SGIP1: variants seen among roughly 807,000 people sequenced by gnomAD.
SGIP1 encodes the protein SH3-containing GRB2-like protein 3-interacting protein 1.
In SGIP1, 38 loss-of-function variants were observed where a neutral mutation model predicts 107.5. That is an observed-to-expected ratio of 0.35 (90% CI 0.27 to 0.46). The LOEUF (loss-of-function observed/expected upper bound fraction) is 0.46. SGIP1 is among the 20% of genes least tolerant of loss of function. The probability of loss-of-function intolerance (pLI) is 1.00; values close to 1 mark genes in which losing one functional copy is unlikely to be tolerated. For missense variants in SGIP1, 929 were observed against 1,019.5 expected (o/e 0.91, Z 1.21); for synonymous variants, 365 against 366.1 (o/e 1.00, Z 0.03).
At chr1:66,659,005 G>C (rs1280446681) in intron 7 of SGIP1, among the ~76,000 whole-genome samples, 2 of 152,166 alleles carry the variant, frequency 1.3e-5, no homozygotes, top group Non-Finnish European at 1.5e-5. Flanking sequence ...AGCCAGGAGA[G>C]TGCAGCGAAG....
chr1:66,581,000 G>A (rs1050824550), intron 1 of SGIP1, among the ~76,000 whole-genome samples: 1 of 152,018 alleles, frequency 6.6e-6, no homozygotes, highest in African/African-American at 2.4e-5. Context: ...CTATAGAAAA[G>A]CCATCATATA....
intron 18 of SGIP1, among the ~76,000 whole-genome samples, chr1:66,718,870 T>A (rs994490712): frequency 6.6e-6 from 1 of 152,190 alleles, no homozygotes; most frequent in African/African-American, 2.4e-5. Context: ...ACTTGGCTGC[T>A]ATTCAAAATG....
chr1:66,674,538 T>G (rs916637778), intron 12 of SGIP1, among the ~76,000 whole-genome samples: 1 of 152,202 alleles, frequency 6.6e-6, no homozygotes, highest in Non-Finnish European at 1.5e-5. Context: ...ATTGGAAGCA[T>G]AGTGGGTAGA....
intron 7 of SGIP1, among the ~76,000 whole-genome samples, chr1:66,647,710 C>T (rs913879803): frequency 2.0e-5 from 3 of 152,094 alleles, no homozygotes; most frequent in African/African-American, 2.4e-5. Context: ...CTAGTGATAC[C>T]GTGCTGCTTG....
intron 18 of SGIP1, among the ~76,000 whole-genome samples, chr1:66,698,986 C>T (rs1557672679): frequency 6.6e-6 from 1 of 151,832 alleles, no homozygotes; most frequent in East Asian, 1.9e-4. Flanking sequence ...CTGTCATCTA[C>T]TCATATAGCC....
At position 66,748,553 on chromosome 1, in the gene SGIP1, C is replaced by G. The variant is rs866049183; in HGVS notation, c.*5458C>G. On this transcript the variant is annotated 3_prime_UTR_variant, in exon 25 of 25. Transcript: ENST00000371037. The stretch of plus-strand genomic sequence containing the variant: ...GACCATGGGTATAATAATTTATTCT[C>G]TAGGTTTAACTTCTAAAATTATTTT... 2.6e-5 allele frequency among the ~76,000 whole-genome samples: 4 copies of G among 151,928 alleles called. No homozygotes were observed. The highest frequency in any genetic ancestry group is 9.7e-5 in the African/African-American group (4 of 41,428).
At chr1:66,603,084 G>T (rs1241228949) in intron 1 of SGIP1, among the ~76,000 whole-genome samples, 2 of 152,196 alleles carry the variant, frequency 1.3e-5, no homozygotes, top group African/African-American at 4.8e-5. Flanking sequence ...AGTAGGTGAA[G>T]CCTAAATGAA....
chr1:66,668,221 C>T (rs896850726), intron 9 of SGIP1, among the ~76,000 whole-genome samples: 2 of 151,932 alleles, frequency 1.3e-5, no homozygotes, highest in Non-Finnish European at 2.9e-5. Context: ...TGACGGATCT[C>T]GCTCTGTTGC....
At position 66,729,405 on chromosome 1, in the gene SGIP1, C is replaced by T. The variant is rs142676348; in HGVS notation, c.1884C>T (p.Pro628=). Reference sequence around the variant, plus strand: ...GGTTAGAACACGTCCTGCCAAACCCCCAACTTCTCTGCTGGTAAATATGAT... The same window carrying T: ...GGTTAGAACACGTCCTGCCAAACCCTCAACTTCTCTGCTGGTAAATATGAT... The part of the protein sequence containing the change: ...FSRLEHVLPN[P]QLLCCDNTQN... The change falls in exon 20 of 25, where the codon CCC becomes CCT. Residue 628 remains proline, a synonymous_variant. Transcript: ENST00000371037. The T allele has an allele frequency of 3.4e-5, 55 of 1,613,994 alleles. No homozygotes were observed. Among genetic ancestry groups the T allele is most frequent in the Non-Finnish European group, 4.7e-5 (55 of 1,179,996 alleles).
intron 12 of SGIP1, 60 bp from the exon 13 acceptor site, chr1:66,676,944 G>A (rs528156453): frequency 1.4e-6 from 2 of 1,409,470 alleles, no homozygotes; most frequent in Admixed American, 2.1e-5. Flanking sequence ...GAAATTTTAA[G>A]TTCTAAAGTA....
chr1:66,733,539 C>T (rs142162434), intron 20 of SGIP1, among the ~76,000 whole-genome samples: 170 of 152,282 alleles, frequency 1.1e-3, no homozygotes, highest in African/African-American at 4.0e-3. Context: ...CACAGTAGCT[C>T]CTCCTCGTGG....
chr1:66,701,817 T>C lies in SGIP1; in HGVS notation c.1630+6324T>C, dbSNP rs143385949. Among the ~76,000 whole-genome samples the C allele has an allele frequency of 3.0e-3, 450 of 152,298 alleles. 2 individuals are homozygous for C. Among genetic ancestry groups the C allele is most frequent in the African/African-American group, 0.01 (428 of 41,564 alleles). ...ATGTTAGAACAGAAAGCCAGCAAAGTGTCCCCTGTTTCTGGCCTGAGGTCT... is the reference window on the plus strand; with the variant it reads ...ATGTTAGAACAGAAAGCCAGCAAAGCGTCCCCTGTTTCTGGCCTGAGGTCT... On this transcript the variant is annotated intron_variant, in intron 18 of 24. Coordinates refer to ENST00000371037, the MANE Select transcript of SGIP1 (RefSeq NM_032291.4).
chr1:66,609,801 T>C (rs1313871869), intron 1 of SGIP1, among the ~76,000 whole-genome samples: 3 of 152,226 alleles, frequency 2.0e-5, no homozygotes, highest in Non-Finnish European at 4.4e-5. Context: ...ATCTTGTAAA[T>C]GTGACTATTT....
intron 15 of SGIP1, among the ~76,000 whole-genome samples, chr1:66,684,631 G>A (rs1472800441): frequency 6.6e-6 from 1 of 152,204 alleles, no homozygotes; most frequent in Non-Finnish European, 1.5e-5. Flanking sequence ...CCACAATGCT[G>A]TCCTCAAAGG....
At chr1:66,642,376 C>A (rs1418401994) in intron 5 of SGIP1, among the ~76,000 whole-genome samples, 2 of 152,158 alleles carry the variant, frequency 1.3e-5, no homozygotes, top group Non-Finnish European at 1.5e-5. Flanking sequence ...CTCCCTGATT[C>A]TTTTAAACCT....
intron 1 of SGIP1, among the ~76,000 whole-genome samples, chr1:66,568,646 C>G (rs1239947671): frequency 6.6e-6 from 1 of 151,932 alleles, no homozygotes; most frequent in African/African-American, 2.4e-5. Context: ...ATAAATAGCT[C>G]TTATTATTTT....
intron 1 of SGIP1, among the ~76,000 whole-genome samples, chr1:66,573,562 T>G (rs4655498): frequency 0.51 from 77,638 of 151,994 alleles, 20,803 homozygotes; most frequent in South Asian, 0.78. Context: ...TATACACTAT[T>G]GAATACTATG....
At chr1:66,538,277 AG>A (rs957102490) in intron 1 of SGIP1, among the ~76,000 whole-genome samples, 20 of 152,190 alleles carry the variant, frequency 1.3e-4, no homozygotes, top group Non-Finnish European at 2.1e-4. Context: ...GAAGTTTTAA[AG>A]GGAATGCTTC....
chr1:66,560,871 G>A (rs1032160228), intron 1 of SGIP1, among the ~76,000 whole-genome samples: 4 of 151,982 alleles, frequency 2.6e-5, no homozygotes, highest in African/African-American at 7.2e-5. Flanking sequence ...GATAAGAATA[G>A]CATCTACCTC....
Sources: allele counts gnomAD v4.1 joint callset (sites outside exome capture counted in the v4.1 genomes callset), GRCh38; gene constraint gnomAD v4.1.1; transcripts MANE v1.5; gene names NCBI Gene and HGNC (gene_info 2026-07-23, HGNC 2026-07-21).